The following KCNQ4 variants were observed in gnomAD, a reference collection of about 807,000 sequenced individuals.
The protein encoded by KCNQ4 is potassium voltage-gated channel subfamily Q member 4, also known as potassium voltage-gated channel subfamily KQT member 4.
A neutral mutation model predicts 72.6 loss-of-function variants in KCNQ4; 31 were observed. That is an observed-to-expected ratio of 0.43 (90% CI 0.32 to 0.58). KCNQ4 has a LOEUF of 0.58. KCNQ4 is among the 20% of genes least tolerant of loss of function. The pLI is 0.08. For missense variants in KCNQ4, 869 were observed against 962.6 expected (o/e 0.90, Z 1.29); for synonymous variants, 405 against 403.7 (o/e 1.00, Z -0.04).
intron 1 of KCNQ4, among the ~76,000 whole-genome samples, chr1:40,798,423 A>C (rs796427446): frequency 2.0e-5 from 3 of 152,372 alleles, no homozygotes; most frequent in African/African-American, 7.2e-5. Flanking sequence ...CTGACAGTCC[A>C]CAAAGCCGTT....
At chr1:40,787,225 C>T (rs376887075) in intron 1 of KCNQ4, among the ~76,000 whole-genome samples, 3 of 151,922 alleles carry the variant, frequency 2.0e-5, no homozygotes, top group South Asian at 2.1e-4. Flanking sequence ...AAAAATTAGC[C>T]GGGCATGGTG....
In KCNQ4 at chr1:40,794,947, C is replaced by A. The variant is rs965349023; in HGVS notation, c.314+10540C>A. Among the ~76,000 whole-genome samples the A allele has an allele frequency of 8.4e-6, 1 of 119,700 alleles. No individual in the cohort carries two copies. The highest frequency in any genetic ancestry group is 3.3e-5 in the African/African-American group (1 of 30,170). 78.5% of individuals were successfully genotyped at this position (119,700 alleles called of 152,430 possible). On this transcript the variant is annotated intron_variant, in intron 1 of 13. Transcript: ENST00000347132. The surrounding 1 kb of genome is among the most constrained non-coding windows in gnomAD (Gnocchi z 4.2). Reference sequence around the variant, plus strand: ...CTTTGCAGTGAGGACCAACCCAAGGCTCTTTCCTAAGATTGGGTTGGGCGG... The same window carrying A: ...CTTTGCAGTGAGGACCAACCCAAGGATCTTTCCTAAGATTGGGTTGGGCGG...
intron 9 of KCNQ4, among the ~76,000 whole-genome samples, chr1:40,830,373 G>GAT (rs1648601937): frequency 6.6e-6 from 1 of 152,206 alleles, no homozygotes; most frequent in Non-Finnish European, 1.5e-5. Context: ...AAGTCTGTGT[G>GAT]ATGGAGTCCT....
At chr1:40,837,181 C>T (rs1270591231) in intron 12 of KCNQ4, among the ~76,000 whole-genome samples, 1 of 151,812 alleles carries the variant, frequency 6.6e-6, no homozygotes, top group Non-Finnish European at 1.5e-5. Flanking sequence ...TCGACCTCTC[C>T]GGCTCAAGTG....
chr1:40,828,051 C>G (rs1040693114), intron 9 of KCNQ4, among the ~76,000 whole-genome samples: 6 of 152,324 alleles, frequency 3.9e-5, no homozygotes, highest in African/African-American at 1.4e-4. Context: ...ACAGCCATGG[C>G]AGAGGCCAGT....
Position 40,838,806 on chromosome 1 carries a change from C to T in KCNQ4, c.*283C>T, listed in dbSNP as rs1648892781. 4 of 536,144 alleles carry T rather than the reference C, an allele frequency of 7.5e-6. No individual in the cohort carries two copies. In the East Asian group the frequency reaches 1.3e-4, roughly 17 times the overall value. The allele number at this position is 536,144 out of a possible 1,614,324, so 33.2% of individuals were successfully genotyped here. On this transcript the variant is annotated 3_prime_UTR_variant, in exon 14 of 14. Coordinates refer to ENST00000347132, the MANE Select transcript of KCNQ4 (RefSeq NM_004700.4). The stretch of plus-strand genomic sequence containing the variant: ...GTGCCCTGCCCACTCCATCAAGGCC[C>T]TATGTGGCCCACCTGGCAGGGGCAC...
chr1:40,784,301 G>A lies in KCNQ4; in HGVS notation c.208G>A (p.Gly70Ser). Residue 70 changes from glycine to serine, a missense_variant, in exon 1 of 14, where the codon GGC (glycine) becomes AGC (serine). Coordinates refer to ENST00000347132, the MANE Select transcript of KCNQ4 (RefSeq NM_004700.4). This position sits in a 1 kb window ranked among gnomAD's most constrained non-coding sequence, Gnocchi z 4.1. ...GGGCTCCGGCTCGGGCTCCGCCTGC[G>A]GCCAGCGCTCCTCGGCCGCGCACAA... is the stretch of plus-strand genomic sequence containing the variant. The part of the protein sequence containing the change: ...GPGSGSGSAC[G>S]QRSSAAHKRY... The A allele has an allele frequency of 6.3e-7, 1 of 1,596,716 alleles. No individual in the cohort carries two copies. The highest frequency in any genetic ancestry group is 1.1e-5 in the South Asian group (1 of 90,250).
At chr1:40,834,268 CT>C (rs1648744990) in intron 11 of KCNQ4, among the ~76,000 whole-genome samples, 1 of 152,166 alleles carries the variant, frequency 6.6e-6, no homozygotes, top group Admixed American at 6.5e-5. Context: ...CCACCATCCA[CT>C]TGGTCACCCA....
intron 1 of KCNQ4, among the ~76,000 whole-genome samples, chr1:40,793,122 C>T (rs902337318): frequency 2.0e-5 from 3 of 151,196 alleles, no homozygotes; most frequent in African/African-American, 7.3e-5. Flanking sequence ...TCCACCTCAC[C>T]CTCCTAAGGA....
At chr1:40,814,125 C>T (rs1360101148) in intron 1 of KCNQ4, among the ~76,000 whole-genome samples, 2 of 130,744 alleles carry the variant, frequency 1.5e-5, no homozygotes, top group Non-Finnish European at 3.1e-5. Flanking sequence ...GCCATCTTGG[C>T]TCACTGCAAC....
At chr1:40,833,576 T>C (rs1431113482) in intron 11 of KCNQ4, among the ~76,000 whole-genome samples, 1 of 152,108 alleles carries the variant, frequency 6.6e-6, no homozygotes, top group Non-Finnish European at 1.5e-5. Flanking sequence ...CGTCCTGGCC[T>C]AGTCTCCATC....
intron 1 of KCNQ4, among the ~76,000 whole-genome samples, chr1:40,796,424 T>C (rs1647411571): frequency 6.6e-6 from 1 of 152,232 alleles, no homozygotes; most frequent in Non-Finnish European, 1.5e-5. Context: ...AGGTAGGTAC[T>C]GTTATTATGC....
In KCNQ4 at chr1:40,838,339, T is replaced by C. The variant is rs563325444; in HGVS notation, c.1904T>C (p.Leu635Pro). The C allele has an allele frequency of 6.2e-7, 1 of 1,613,824 alleles. No homozygotes were observed. Among genetic ancestry groups the C allele is most frequent in the Non-Finnish European group, 8.5e-7 (1 of 1,179,904 alleles). The change falls in exon 14 of 14, where the codon CTG becomes CCG. Residue 635 changes from leucine (L) to proline (P), a missense_variant. Coordinates refer to ENST00000347132, the MANE Select transcript of KCNQ4 (RefSeq NM_004700.4). ...CAGTCCATCGAGCACAAGCTGGACCTGCTGTTGGGCTTCTATTCGCGCTGC... is the reference window on the plus strand; with the variant it reads ...CAGTCCATCGAGCACAAGCTGGACCCGCTGTTGGGCTTCTATTCGCGCTGC... ...QVQSIEHKLD[L>P]LLGFYSRCLR... is the part of the protein sequence containing the mutation.
chr1:40,784,315 G>A lies in KCNQ4; in HGVS notation c.222G>A (p.Ser74=), dbSNP rs200001289. ...GSGSACGQRS[S]AAHKRYRRLQ... ...GCTCCGCCTGCGGCCAGCGCTCCTC[G>A]GCCGCGCACAAGCGCTACCGCCGCC... The change falls in exon 1 of 14, where the codon TCG becomes TCA. Residue 74 remains serine, a synonymous_variant. Coordinates refer to ENST00000347132, the MANE Select transcript of KCNQ4 (RefSeq NM_004700.4). This position sits in a 1 kb window ranked among gnomAD's most constrained non-coding sequence, Gnocchi z 4.1. The A allele has an allele frequency of 4.7e-5, 75 of 1,605,294 alleles. No individual in the cohort carries two copies. Among genetic ancestry groups the A allele is most frequent in the Admixed American group, 2.2e-4 (13 of 59,780 alleles).
intron 1 of KCNQ4, among the ~76,000 whole-genome samples, chr1:40,797,037 C>CA (rs1272744153): frequency 6.6e-6 from 1 of 152,268 alleles, no homozygotes; most frequent in Non-Finnish European, 1.5e-5. Context: ...GAAACCTTCA[C>CA]TTCTAAATGA....
rs749277116 is a variant in KCNQ4, at chr1:40,824,203, C to T, written c.1237C>T (p.Pro413Ser). Residue 413 changes from proline to serine, a missense_variant, in exon 9 of 14, where the codon CCG becomes TCG. Around this residue, in one of 5 missense-constraint regions of KCNQ4, gnomAD observed 480 missense variants for 501.9 expected, o/e 0.96. Transcript: ENST00000347132. ...ACCCGACGGAGCACCCTCCCGTTAC[C>T]CGCCCGTTGCCACCTGCCACCGGCC... ...PVPDGAPSRY[P>S]PVATCHRPGS... is the part of the protein sequence containing the mutation. The T allele has an allele frequency of 3.1e-6, 5 of 1,599,888 alleles. No homozygotes were observed. Among genetic ancestry groups the T allele is most frequent in the Non-Finnish European group, 4.3e-6 (5 of 1,174,172 alleles).
chr1:40,789,563 C>T (rs541024748), intron 1 of KCNQ4, among the ~76,000 whole-genome samples: 176 of 152,242 alleles, frequency 1.2e-3, no homozygotes, highest in Admixed American at 2.4e-3. Flanking sequence ...CTCCCCTTCA[C>T]GCTCCTTTGC....
intron 1 of KCNQ4, among the ~76,000 whole-genome samples, chr1:40,804,675 G>A (rs573920043): frequency 4.9e-4 from 75 of 152,090 alleles, no homozygotes; most frequent in Admixed American, 4.8e-3. Flanking sequence ...TAAATTAGTC[G>A]GGCATGGTGG....
chr1:40,801,625 A>G (rs996816111), intron 1 of KCNQ4, among the ~76,000 whole-genome samples: 3 of 152,198 alleles, frequency 2.0e-5, no homozygotes, highest in Non-Finnish European at 4.4e-5. Context: ...AACTGTATCT[A>G]TCCCCGGTGT....
Sources: allele counts gnomAD v4.1 joint callset (sites outside exome capture counted in the v4.1 genomes callset), GRCh38; gene constraint gnomAD v4.1.1; regional missense constraint gnomAD v4.1.1; non-coding constraint Gnocchi (gnomAD v3.1); transcripts MANE v1.5; gene names NCBI Gene and HGNC (gene_info 2026-07-23, HGNC 2026-07-21).